Variants in ARHGAP6 observed in about 807,000 individuals in gnomAD.
The protein encoded by ARHGAP6 is rho GTPase-activating protein 6.
A neutral mutation model predicts 55.7 loss-of-function variants in ARHGAP6; 16 were observed. That is an observed-to-expected ratio of 0.29 (90% confidence interval 0.19 to 0.44). The LOEUF (loss-of-function observed/expected upper bound fraction) is 0.44, where lower values mean the gene tolerates loss of function less well. ARHGAP6 is among the 20% of genes least tolerant of loss of function. The pLI is 1.00. For missense variants in ARHGAP6, 698 were observed against 808.9 expected (o/e 0.86, Z 1.66); for synonymous variants, 382 against 360.9 (o/e 1.06, Z -0.66).
intron 1 of ARHGAP6, among the ~76,000 whole-genome samples, chrX:11,570,158 T>A (rs2051495355): frequency 9.0e-6 from 1 of 111,304 alleles, no homozygotes; most frequent in Admixed American, 9.6e-5. Context: ...TATATCTATT[T>A]AAGTCACTGA....
intron 1 of ARHGAP6, among the ~76,000 whole-genome samples, chrX:11,600,812 A>G (rs545559596): frequency 8.9e-6 from 1 of 111,860 alleles, no homozygotes; most frequent in African/African-American, 3.2e-5. Flanking sequence ...GTGTGAAGTG[A>G]GATTGGCAAG....
intron 1 of ARHGAP6, among the ~76,000 whole-genome samples, chrX:11,470,330 AGTTAAATGAGTAAACCTG>A (rs1349028781): frequency 1.8e-5 from 2 of 111,908 alleles, no homozygotes; most frequent in Admixed American, 1.9e-4. Context: ...CATTTGGACA[AGTTAAATGAGTAAACCTG>A]GTTAAAAAAA....
intron 1 of ARHGAP6, 47 bp downstream of exon 1, chrX:11,664,194 T>C: frequency 1.8e-6 from 2 of 1,127,276 alleles, no homozygotes; most frequent in Non-Finnish European, 2.4e-6. Context: ...TGAAACTGCC[T>C]GGGGGCCTCC....
chrX:11,573,617 C>T (rs754636970), intron 1 of ARHGAP6, among the ~76,000 whole-genome samples: 34 of 110,546 alleles, frequency 3.1e-4, no homozygotes, highest in Admixed American at 1.3e-3. Context: ...AGTCAGGTAG[C>T]GTGATGCCTC....
chrX:11,558,319 G>A (rs1327117611), intron 1 of ARHGAP6, among the ~76,000 whole-genome samples: 2 of 111,769 alleles, frequency 1.8e-5, no homozygotes, highest in Non-Finnish European at 3.8e-5. Flanking sequence ...GATGTCGGAG[G>A]ATTGTCAACA....
intron 1 of ARHGAP6, among the ~76,000 whole-genome samples, chrX:11,656,248 C>T (rs923952543): frequency 2.7e-5 from 3 of 112,195 alleles, no homozygotes; most frequent in Non-Finnish European, 5.6e-5. Flanking sequence ...TGCTATGTTC[C>T]CTCTTAAATA....
At chrX:11,566,938 G>A (rs777604518) in intron 1 of ARHGAP6, among the ~76,000 whole-genome samples, 4 of 111,817 alleles carry the variant, frequency 3.6e-5, no homozygotes, top group East Asian at 5.6e-4. Context: ...AAACATTTGC[G>A]GAACTTGTGG....
At chrX:11,188,692 T>C (rs746519610) in intron 4 of ARHGAP6, 36 bp downstream of exon 4, 3 of 1,186,693 alleles carry the variant, frequency 2.5e-6, no homozygotes, top group Non-Finnish European at 3.4e-6. Context: ...TCAGTTTTCC[T>C]AGCACTGGTG....
At chrX:11,523,072 G>C (rs949827258) in intron 1 of ARHGAP6, among the ~76,000 whole-genome samples, 1 of 111,667 alleles carries the variant, frequency 9.0e-6, no homozygotes, top group Non-Finnish European at 1.9e-5. Context: ...ATGCAAGGCT[G>C]GTTCAACATA....
At chrX:11,278,384 A>G (rs1200456934) in intron 1 of ARHGAP6, among the ~76,000 whole-genome samples, 5 of 111,148 alleles carry the variant, frequency 4.5e-5, no homozygotes, top group African/African-American at 1.3e-4. Context: ...TAGAATAATG[A>G]TCTAAGAGAT....
At chrX:11,433,239 T>G (rs1056620022) in intron 1 of ARHGAP6, among the ~76,000 whole-genome samples, 6 of 112,176 alleles carry the variant, frequency 5.3e-5, no homozygotes, top group Non-Finnish European at 1.1e-4. Flanking sequence ...CATAAAGTTA[T>G]GCATCAATTG....
chrX:11,653,040 C>T (rs1420777155), intron 1 of ARHGAP6, among the ~76,000 whole-genome samples: 1 of 111,763 alleles, frequency 8.9e-6, no homozygotes, highest in Non-Finnish European at 1.9e-5. Context: ...TGAGATGGGC[C>T]TTGAAAAGCA....
chrX:11,653,940 A>G (rs2052612288), intron 1 of ARHGAP6, among the ~76,000 whole-genome samples: 1 of 106,899 alleles, frequency 9.4e-6, no homozygotes, highest in Non-Finnish European at 2.0e-5. Flanking sequence ...TGCATTCTAC[A>G]AATACTAATT....
At chrX:11,193,254 A>G (rs761571229) in intron 3 of ARHGAP6, among the ~76,000 whole-genome samples, 1 of 113,029 alleles carries the variant, frequency 8.8e-6, no homozygotes, top group African/African-American at 3.2e-5. Context: ...GCTTCTATTT[A>G]TTTTTAGATG....
intron 1 of ARHGAP6, among the ~76,000 whole-genome samples, chrX:11,471,238 AAG>A (rs1325380401): frequency 1.8e-5 from 2 of 112,176 alleles, no homozygotes; most frequent in Non-Finnish European, 3.8e-5. Context: ...AGTAATTATA[AAG>A]AGACAATTGT....
chrX:11,635,844 C>A (rs185606038), intron 1 of ARHGAP6, among the ~76,000 whole-genome samples: 1 of 112,044 alleles, frequency 8.9e-6, no homozygotes, highest in East Asian at 2.8e-4. Context: ...AGTGCTTCAG[C>A]AAGACAGAAG....
chrX:11,508,810 A>C (rs890969038), intron 1 of ARHGAP6, among the ~76,000 whole-genome samples: 9 of 108,716 alleles, frequency 8.3e-5, no homozygotes, highest in African/African-American at 3.0e-4. Flanking sequence ...TCAAATGCTG[A>C]TGAAATTCCA....
chrX:11,660,436 G>A (rs1361707483), intron 1 of ARHGAP6, among the ~76,000 whole-genome samples: 1 of 104,487 alleles, frequency 9.6e-6, no homozygotes, highest in Non-Finnish European at 2.0e-5. Flanking sequence ...GGGAGGCTGA[G>A]GCAGGAGAAT....
intron 1 of ARHGAP6, chrX:11,298,721 A>G (rs755797941): frequency 1.7e-6 from 2 of 1,210,826 alleles, no homozygotes; most frequent in Non-Finnish European, 2.2e-6. Flanking sequence ...TTCCTGGCCA[A>G]CACTCCATGA....
Sources: allele counts gnomAD v4.1 joint callset (sites outside exome capture counted in the v4.1 genomes callset), GRCh38; gene constraint gnomAD v4.1.1; transcripts MANE v1.5; gene names NCBI Gene and HGNC (gene_info 2026-07-23, HGNC 2026-07-21).